Variants in GRIA1 observed in about 807,000 individuals in gnomAD.
The protein encoded by GRIA1 is glutamate ionotropic receptor AMPA type subunit 1.
In GRIA1, 31 loss-of-function variants were observed where a neutral mutation model predicts 99.2. The observed-to-expected ratio is 0.31, with a 90% CI of 0.23 to 0.42. The LOEUF (loss-of-function observed/expected upper bound fraction) is 0.42. Among genes scored for constraint, GRIA1 ranks in the 10% least tolerant of loss-of-function variants. GRIA1 has a pLI of 1.00. For missense variants in GRIA1, 782 were observed against 1,157.5 expected (o/e 0.68, Z 4.71); for synonymous variants, 438 against 432.4 (o/e 1.01, Z -0.16).
At chr5:153,540,323 A>G (rs1254945598) in intron 2 of GRIA1, among the ~76,000 whole-genome samples, 1 of 152,232 alleles carries the variant, frequency 6.6e-6, no homozygotes, top group African/African-American at 2.4e-5. Context: ...AGGAAACTAC[A>G]GCAGGGTCTG....
intron 5 of GRIA1, among the ~76,000 whole-genome samples, chr5:153,668,940 G>A (rs1755949585): frequency 6.6e-6 from 1 of 152,230 alleles, no homozygotes; most frequent in Admixed American, 6.5e-5. Flanking sequence ...AAAGTCATAT[G>A]TTTCTCCACT....
intron 2 of GRIA1, among the ~76,000 whole-genome samples, chr5:153,562,796 T>C (rs1203347694): frequency 2.0e-5 from 3 of 152,186 alleles, no homozygotes; most frequent in African/African-American, 4.8e-5. Flanking sequence ...GACACACATA[T>C]GACTAGGACT....
At chr5:153,794,139 A>G (rs1765484175) in intron 13 of GRIA1, among the ~76,000 whole-genome samples, 1 of 151,992 alleles carries the variant, frequency 6.6e-6, no homozygotes, top group Non-Finnish European at 1.5e-5. Flanking sequence ...CTCTCTTTCT[A>G]TGTCTACTGT....
In GRIA1 at chr5:153,521,156, G is replaced by T. The variant is rs539105857; in HGVS notation, c.220+27091G>T. Among the ~76,000 whole-genome samples, 20 of 152,298 alleles carry T rather than the reference G, an allele frequency of 1.3e-4. No individual in the cohort carries two copies. In the East Asian group the frequency reaches 3.9e-3, roughly 29 times the overall value. ...GCCTGGGGTCAGAGGCTGTTAGCTTGGCATGAAGGATGGAAAGCATTTCCA... is the reference window on the plus strand; with the variant it reads ...GCCTGGGGTCAGAGGCTGTTAGCTTTGCATGAAGGATGGAAAGCATTTCCA... On this transcript the variant is annotated intron_variant, in intron 2 of 15. Transcript: ENST00000285900.
intron 2 of GRIA1, among the ~76,000 whole-genome samples, chr5:153,603,557 T>C (rs1765188244): frequency 6.6e-6 from 1 of 152,150 alleles, no homozygotes; most frequent in South Asian, 2.1e-4. Context: ...CCAGTATTTA[T>C]TGAGTGCCTA....
intron 11 of GRIA1, among the ~76,000 whole-genome samples, chr5:153,761,433 T>A (rs748450818): frequency 6.6e-6 from 1 of 152,084 alleles, no homozygotes; most frequent in Non-Finnish European, 1.5e-5. Flanking sequence ...ACATCACTAA[T>A]CATCAGGGAA....
chr5:153,743,906 G>C (rs1382046175), intron 11 of GRIA1, among the ~76,000 whole-genome samples: 1 of 152,168 alleles, frequency 6.6e-6, no homozygotes, highest in Non-Finnish European at 1.5e-5. Flanking sequence ...TTGGACATAT[G>C]TGGAGCACAG....
At chr5:153,803,597 A>G (rs559520331) in intron 15 of GRIA1, among the ~76,000 whole-genome samples, 2 of 152,364 alleles carry the variant, frequency 1.3e-5, no homozygotes, top group African/African-American at 4.8e-5. Flanking sequence ...ATTCAGAAGG[A>G]CAGGTGGGAT....
At chr5:153,561,726 G>A (rs1761143075) in intron 2 of GRIA1, among the ~76,000 whole-genome samples, 1 of 152,154 alleles carries the variant, frequency 6.6e-6, no homozygotes, top group Admixed American at 6.5e-5. Flanking sequence ...TAGGAGAATT[G>A]TATTATTCTT....
chr5:153,573,846 C>T (rs542541952), intron 2 of GRIA1, among the ~76,000 whole-genome samples: 6 of 152,248 alleles, frequency 3.9e-5, no homozygotes, highest in African/African-American at 7.2e-5. Flanking sequence ...AGGCCTGGCA[C>T]GGAATTAGCA....
chr5:153,729,303 G>A (rs1004449119), intron 11 of GRIA1, among the ~76,000 whole-genome samples: 4 of 151,864 alleles, frequency 2.6e-5, no homozygotes, highest in Admixed American at 6.6e-5. Flanking sequence ...GTTAATGGGT[G>A]CAGCACACCA....
chr5:153,575,079 C>A (rs79999950), intron 2 of GRIA1, among the ~76,000 whole-genome samples: 3,036 of 152,210 alleles, frequency 0.02, 107 homozygotes, highest in African/African-American at 0.068. Context: ...TGATTTTGAG[C>A]TGGCAATCTC....
intron 13 of GRIA1, 81 bp downstream of exon 13, chr5:153,770,496 C>T: frequency 7.6e-7 from 1 of 1,324,398 alleles, no homozygotes; most frequent in East Asian, 2.3e-5. Context: ...CTGCTACAAG[C>T]CTCCAATGCC....
At chr5:153,602,389 G>C (rs1321656240) in intron 2 of GRIA1, among the ~76,000 whole-genome samples, 1 of 151,770 alleles carries the variant, frequency 6.6e-6, no homozygotes, top group Non-Finnish European at 1.5e-5. Context: ...GTGGGGTGGG[G>C]GGAGTGGGGA....
chr5:153,605,835 T>C (rs1293569779), intron 2 of GRIA1, among the ~76,000 whole-genome samples: 1 of 152,226 alleles, frequency 6.6e-6, no homozygotes, highest in East Asian at 1.9e-4. Flanking sequence ...TTAGGTATTC[T>C]AAATGTGAGC....
At chr5:153,536,601 C>A (rs183065982) in intron 2 of GRIA1, among the ~76,000 whole-genome samples, 1 of 152,224 alleles carries the variant, frequency 6.6e-6, no homozygotes, top group East Asian at 1.9e-4. Flanking sequence ...TGAATAGAAT[C>A]CATTAATTTG....
chr5:153,609,646 C>T (rs1416276548), intron 2 of GRIA1, among the ~76,000 whole-genome samples: 1 of 144,778 alleles, frequency 6.9e-6, no homozygotes, highest in African/African-American at 2.6e-5. Flanking sequence ...TCACTGCAGG[C>T]TCCACCTTCC....
At chr5:153,559,731 C>A (rs1760955082) in intron 2 of GRIA1, among the ~76,000 whole-genome samples, 1 of 152,042 alleles carries the variant, frequency 6.6e-6, no homozygotes, top group South Asian at 2.1e-4. Context: ...TTTTTCAGCT[C>A]TATTATAATC....
chr5:153,633,067 G>A (rs1268470711), intron 2 of GRIA1, among the ~76,000 whole-genome samples: 1 of 152,180 alleles, frequency 6.6e-6, no homozygotes, highest in East Asian at 1.9e-4. Context: ...GGGGCCTCAG[G>A]TGATTGGCAA....
Sources: allele counts gnomAD v4.1 joint callset (sites outside exome capture counted in the v4.1 genomes callset), GRCh38; gene constraint gnomAD v4.1.1; transcripts MANE v1.5; gene names NCBI Gene and HGNC (gene_info 2026-07-23, HGNC 2026-07-21).